Variants in GNPNAT1 observed in about 807,000 individuals in gnomAD.
GNPNAT1 encodes glucosamine 6-phosphate N-acetyltransferase.
In GNPNAT1, 11 loss-of-function variants were observed where a neutral mutation model predicts 19.8. The ratio of observed to expected loss-of-function variants is 0.56; its 90% confidence interval spans 0.35 to 0.92. The LOEUF (loss-of-function observed/expected upper bound fraction) is 0.92. Among genes scored for constraint, GNPNAT1 ranks in the 40% least tolerant of loss-of-function variants. GNPNAT1 has a pLI of 0.01. For missense variants in GNPNAT1, 157 were observed against 211.0 expected (o/e 0.74, Z 1.59); for synonymous variants, 71 against 72.3 (o/e 0.98, Z 0.09).
rs1460484200 is a variant in GNPNAT1 at position 52,776,597 on chromosome 14, C to T, written c.*1714G>A. The T allele has an allele frequency of 3.3e-5, 5 of 152,260 alleles. No homozygotes were observed. Among genetic ancestry groups the T allele is most frequent in the African/African-American group, 9.7e-5 (4 of 41,450 alleles). 9.4% of individuals were successfully genotyped at this position (152,260 alleles called of 1,614,324 possible). A position where few individuals can be genotyped will look rare whatever the true frequency, so the allele number is the denominator to read the frequency against. On this transcript the variant is annotated 3_prime_UTR_variant, in exon 6 of 6. Coordinates refer to ENST00000216410, the MANE Select transcript of GNPNAT1 (RefSeq NM_198066.4). ...TTTGAGATGGAGTCTCTCTCTGTCG[C>T]CAGGCTGGAGTGCAGTGGTGTGATC...
chr14:52,786,857 A>ATTTTT (rs567085170), intron 1 of GNPNAT1, among the ~76,000 whole-genome samples: 18 of 98,684 alleles, frequency 1.8e-4, no homozygotes, highest in African/African-American at 4.3e-4. Context: ...CAGGTTTTGG[A>ATTTTT]TTTTTTTTTT....
chr14:52,776,434 A>G lies in GNPNAT1; in HGVS notation c.*1877T>C, dbSNP rs182327943. On this transcript the variant is annotated 3_prime_UTR_variant, in exon 6 of 6. Coordinates refer to ENST00000216410, the MANE Select transcript of GNPNAT1 (RefSeq NM_198066.4). ...TATTTCCTATGGGAGGATTTAAGAG[A>G]TATCTTAGGAACACTATTTAAAGGG... The G allele has an allele frequency of 2.0e-5, 3 of 152,286 alleles. No individual in the cohort carries two copies. Among genetic ancestry groups the G allele is most frequent in the East Asian group, 3.9e-4 (2 of 5,180 alleles). 9.4% of individuals were successfully genotyped at this position (152,286 alleles called of 1,614,324 possible). A position where few individuals can be genotyped will look rare whatever the true frequency, so the allele number is the denominator to read the frequency against.
In GNPNAT1 at chr14:52,778,002, C is replaced by T. The variant is rs1202495637; in HGVS notation, c.*309G>A. 7 of 182,250 alleles carry T rather than the reference C, an allele frequency of 3.8e-5. No individual in the cohort carries two copies. Among genetic ancestry groups the T allele is most frequent in the Middle Eastern group, 2.4e-3 (1 of 416 alleles). 11.3% of individuals were successfully genotyped at this position (182,250 alleles called of 1,614,324 possible). On this transcript the variant is annotated 3_prime_UTR_variant, in exon 6 of 6. Transcript: ENST00000216410. ...AGCAGACATATAACTCCTTATTACC[C>T]ATACTCTTGACTACCAAGAAAGGAA...
rs1310163022 is a variant in GNPNAT1, at chr14:52,778,051, T to A, written c.*260A>T. 1.3e-5 allele frequency: 3 copies of A among 232,704 alleles called. No individual in the cohort carries two copies. The highest frequency in any genetic ancestry group is 2.5e-5 in the Non-Finnish European group (3 of 122,224). The allele number at this position is 232,704 out of a possible 1,614,324, so 14.4% of individuals were successfully genotyped here. A position where few individuals can be genotyped will look rare whatever the true frequency, so the allele number is the denominator to read the frequency against. ...AAGCCAAACTTTTAGAAAAATACAA[T>A]GCAAGAAAAGATTCAAGTTAAAAAT... On this transcript the variant is annotated 3_prime_UTR_variant, in exon 6 of 6. Coordinates refer to ENST00000216410, the MANE Select transcript of GNPNAT1 (RefSeq NM_198066.4).
intron 5 of GNPNAT1, among the ~76,000 whole-genome samples, chr14:52,779,526 G>A (rs1194345115): frequency 4.0e-5 from 6 of 151,802 alleles, no homozygotes; most frequent in East Asian, 1.9e-4. Context: ...CCAGAAGTTC[G>A]AGACTAGCCA....
intron 5 of GNPNAT1, among the ~76,000 whole-genome samples, chr14:52,779,266 ACAAAG>A (rs980522083): frequency 2.0e-5 from 3 of 152,182 alleles, no homozygotes; most frequent in Non-Finnish European, 4.4e-5. Flanking sequence ...TGAAGTGGAA[ACAAAG>A]CAAGTCTACA....
chr14:52,779,438 G>A (rs1255846202), intron 5 of GNPNAT1, among the ~76,000 whole-genome samples: 2 of 152,048 alleles, frequency 1.3e-5, no homozygotes, highest in Non-Finnish European at 2.9e-5. Flanking sequence ...AAAAGACCTT[G>A]ACTGAAGTAT....
chr14:52,787,925 C>G (rs1234962515), intron 1 of GNPNAT1: 1 of 151,848 alleles, frequency 6.6e-6, no homozygotes, highest in Non-Finnish European at 1.5e-5. Context: ...AGTTAGCATT[C>G]TTGGGTAGAA....
chr14:52,781,882 C>T lies in GNPNAT1; in HGVS notation c.247G>A (p.Asp83Asn), dbSNP rs1430833973. 1 of 1,607,894 alleles carries T rather than the reference C, an allele frequency of 6.2e-7. No homozygotes were observed. Among genetic ancestry groups the T allele is most frequent in the African/African-American group, 1.3e-5 (1 of 74,758 alleles). Reference protein sequence around the residue: ...KSFEHMKKSGDYYVTVVEDVT... With the variant: ...KSFEHMKKSGNYYVTVVEDVT... The stretch of plus-strand genomic sequence containing the variant: ...TCTTCTACAACTGTAACATAATAAT[C>T]CCCAGATTTCTTCATATGCTCAAAA... Residue 83 changes from aspartate to asparagine, a missense_variant, in exon 4 of 6, where the codon GAT becomes AAT. Transcript: ENST00000216410.
At chr14:52,780,037 C>T (rs1034663336) in intron 5 of GNPNAT1, among the ~76,000 whole-genome samples, 1 of 151,884 alleles carries the variant, frequency 6.6e-6, no homozygotes, top group African/African-American at 2.4e-5. Context: ...CCAGGTGTGG[C>T]GTGTACCTGT....
intron 2 of GNPNAT1, among the ~76,000 whole-genome samples, chr14:52,784,163 A>C (rs565084906): frequency 6.6e-6 from 1 of 152,342 alleles, no homozygotes; most frequent in East Asian, 1.9e-4. Context: ...TTATCCAAGG[A>C]AAATTATTTC....
chr14:52,780,094 G>A (rs927265426), intron 5 of GNPNAT1, among the ~76,000 whole-genome samples: 9 of 152,082 alleles, frequency 5.9e-5, no homozygotes, highest in African/African-American at 1.9e-4. Context: ...GAGCCCAGGA[G>A]GCTGAGGCTG....
intron 1 of GNPNAT1, among the ~76,000 whole-genome samples, chr14:52,785,293 T>C (rs1882988868): frequency 6.6e-6 from 1 of 152,182 alleles, no homozygotes; most frequent in Non-Finnish European, 1.5e-5. Flanking sequence ...AGCTGACTTT[T>C]CATGGGCTCT....
At chr14:52,784,810 C>A in intron 1 of GNPNAT1, 146 bp from the exon 2 acceptor site, 2 of 397,938 alleles carry the variant, frequency 5.0e-6, no homozygotes, top group Non-Finnish European at 4.4e-6. Flanking sequence ...CTGAATCTAA[C>A]ATTAAATTCC....
chr14:52,783,399 G>A (rs767139936), intron 3 of GNPNAT1, 24 bp downstream of exon 3: 1 of 1,509,272 alleles, frequency 6.6e-7, no homozygotes. Flanking sequence ...CTTTATTTCA[G>A]GAAAAAGAGG....
intron 4 of GNPNAT1, among the ~76,000 whole-genome samples, chr14:52,781,172 G>C (rs1392820519): frequency 6.6e-6 from 1 of 152,016 alleles, no homozygotes; most frequent in East Asian, 1.9e-4. Flanking sequence ...ACAAATATCA[G>C]GATCAACATC....
intron 1 of GNPNAT1, among the ~76,000 whole-genome samples, chr14:52,788,907 T>A (rs1355886074): frequency 1.3e-5 from 2 of 152,258 alleles, no homozygotes; most frequent in African/African-American, 4.8e-5. Flanking sequence ...TATTTTCTTG[T>A]ACTTTTCTTT....
intron 3 of GNPNAT1, among the ~76,000 whole-genome samples, chr14:52,782,488 C>T (rs1431813958): frequency 1.3e-5 from 2 of 152,068 alleles, no homozygotes; most frequent in African/African-American, 4.8e-5. Context: ...AGTAACTTTT[C>T]CAAGTCACAT....
intron 5 of GNPNAT1, 99 bp from the exon 6 acceptor site, chr14:52,778,557 T>C: frequency 1.9e-6 from 2 of 1,051,200 alleles, no homozygotes; most frequent in East Asian, 5.5e-5. Context: ...TTAAGTTTCC[T>C]TAGAAACAGG....
Sources: gnomAD v4.1 joint callset for allele counts (sites outside exome capture counted in the v4.1 genomes callset) on GRCh38, gnomAD v4.1.1 for gene constraint, MANE v1.5 for transcripts, NCBI Gene and HGNC (gene_info 2026-07-23, HGNC 2026-07-21) for gene names.